The following PTPRD variants were observed in gnomAD, a reference collection of about 807,000 sequenced individuals.
PTPRD encodes protein tyrosine phosphatase receptor type D.
Under a neutral mutation model 214.5 loss-of-function variants are expected in PTPRD, and 34 were observed. That is an observed-to-expected ratio of 0.16 (90% CI 0.12 to 0.21). The LOEUF is 0.21. Among genes scored for constraint, PTPRD ranks in the 10% least tolerant of loss-of-function variants. The pLI is 1.00. For synonymous variants in PTPRD, 1,128 were observed against 845.7 expected, an observed-to-expected ratio of 1.33 and a Z score of -5.79; for missense variants, 2,545 against 2,398.7, an observed-to-expected ratio of 1.06 and a Z score of -1.27.
chr9:9,324,406 A>G (rs2136165514), intron 9 of PTPRD, among the ~76,000 whole-genome samples: 1 of 152,210 alleles, frequency 6.6e-6, no homozygotes, highest in Middle Eastern at 3.4e-3. Flanking sequence ...ATGGTATCTC[A>G]GTGTGGTTTT....
chr9:10,479,779 C>T lies in PTPRD; in HGVS notation c.-600+132619G>A, dbSNP rs144828124. 3.8e-4 allele frequency among the ~76,000 whole-genome samples: 58 copies of T among 152,086 alleles called. No homozygotes were observed. In the East Asian group the frequency reaches 9.3e-3, roughly 24 times the overall value. On this transcript the variant is annotated intron_variant, in intron 2 of 45. Transcript: ENST00000381196. ...CAGGCTGCAGTGGGCCTTGATTACA[C>T]GACTGTACTTCAGCCTGGGCAACAG... is the stretch of plus-strand genomic sequence containing the variant.
At chr9:10,376,343 A>C (rs1291082722) in intron 2 of PTPRD, among the ~76,000 whole-genome samples, 1 of 151,824 alleles carries the variant, frequency 6.6e-6, no homozygotes, top group African/African-American at 2.4e-5. Context: ...AGTTATGTAC[A>C]GCATAAGAAA....
At chr9:9,341,161 T>G (rs775041995) in intron 9 of PTPRD, among the ~76,000 whole-genome samples, 10 of 152,034 alleles carry the variant, frequency 6.6e-5, no homozygotes, top group African/African-American at 2.4e-4. Context: ...TATAATGCAG[T>G]TGTAGATTGT....
intron 10 of PTPRD, among the ~76,000 whole-genome samples, chr9:9,168,458 T>C (rs2099908268): frequency 6.6e-6 from 1 of 152,180 alleles, no homozygotes; most frequent in African/African-American, 2.4e-5. Context: ...GCTACCCTAA[T>C]TTCTTTTTGA....
intron 14 of PTPRD, among the ~76,000 whole-genome samples, chr9:8,624,180 G>T (rs961374135): frequency 3.3e-5 from 5 of 151,820 alleles, no homozygotes; most frequent in Non-Finnish European, 7.4e-5. Context: ...ATATGGAAAT[G>T]TGTGTTAACG....
At chr9:10,472,229 G>C (rs1021799600) in intron 2 of PTPRD, among the ~76,000 whole-genome samples, 2 of 152,064 alleles carry the variant, frequency 1.3e-5, no homozygotes, top group African/African-American at 2.4e-5. Context: ...TTTGACTTTA[G>C]AACTTTATGC....
At chr9:8,377,538 A>G (rs1410053571) in intron 37 of PTPRD, among the ~76,000 whole-genome samples, 2 of 152,132 alleles carry the variant, frequency 1.3e-5, no homozygotes, top group Non-Finnish European at 2.9e-5. Context: ...ATGAAAAGTA[A>G]CAAACACAGC....
chr9:9,729,732 C>A (rs1042623081), intron 7 of PTPRD, among the ~76,000 whole-genome samples: 1 of 151,628 alleles, frequency 6.6e-6, no homozygotes, highest in African/African-American at 2.4e-5. Flanking sequence ...TTACCCAATC[C>A]CTATCAAATG....
At position 9,213,980 on chromosome 9, in the gene PTPRD, A is replaced by C. The variant is rs569589605; in HGVS notation, c.-202-30617T>G. Among the ~76,000 whole-genome samples, 255 of 152,112 alleles carry C rather than the reference A, an allele frequency of 1.7e-3. 3 individuals carry two copies. The highest frequency in any genetic ancestry group is 5.8e-3 in the African/African-American group (242 of 41,506). Reference sequence around the variant, plus strand: ...CATCTTCTTTTTTTTCTTACTGGGCATGATAATAAGAATGATAGCAAATAT... The same window carrying C: ...CATCTTCTTTTTTTTCTTACTGGGCCTGATAATAAGAATGATAGCAAATAT... On this transcript the variant is annotated intron_variant, in intron 9 of 45. Transcript: ENST00000381196.
chr9:8,950,753 T>G (rs1588707096), intron 11 of PTPRD, among the ~76,000 whole-genome samples: 2 of 151,974 alleles, frequency 1.3e-5, no homozygotes, highest in African/African-American at 2.4e-5. Context: ...GAGCGATTCC[T>G]GACCCACTCT....
chr9:9,599,418 A>T (rs1303659282), intron 7 of PTPRD, among the ~76,000 whole-genome samples: 1 of 151,984 alleles, frequency 6.6e-6, no homozygotes, highest in African/African-American at 2.4e-5. Context: ...AGCCTCAAGC[A>T]CTCAAGCCCT....
At chr9:8,435,335 T>C (rs886285985) in intron 35 of PTPRD, among the ~76,000 whole-genome samples, 1 of 152,116 alleles carries the variant, frequency 6.6e-6, no homozygotes, top group Non-Finnish European at 1.5e-5. Flanking sequence ...TAGAGGTTAC[T>C]ACAGAATGTG....
intron 4 of PTPRD, among the ~76,000 whole-genome samples, chr9:9,958,869 A>T: frequency 6.6e-6 from 1 of 152,200 alleles, no homozygotes; most frequent in East Asian, 1.9e-4. Context: ...TACTGACAAT[A>T]CCAAATGCTA....
chr9:8,488,054 G>C (rs1405410607), intron 27 of PTPRD, among the ~76,000 whole-genome samples: 1 of 152,036 alleles, frequency 6.6e-6, no homozygotes, highest in East Asian at 1.9e-4. Context: ...GAAAAAGAAA[G>C]ATGGTAGGAA....
intron 9 of PTPRD, among the ~76,000 whole-genome samples, chr9:9,331,778 T>C (rs942096920): frequency 1.3e-5 from 2 of 151,950 alleles, no homozygotes; most frequent in African/African-American, 4.8e-5. Context: ...AATAAATAGG[T>C]GCAGTGACAT....
intron 11 of PTPRD, among the ~76,000 whole-genome samples, chr9:8,969,081 C>G (rs1017498502): frequency 6.6e-6 from 1 of 151,994 alleles, no homozygotes; most frequent in South Asian, 2.1e-4. Context: ...ACAAAAGGAA[C>G]CACTCCTCCT....
chr9:8,560,078 C>G (rs1749689219), intron 14 of PTPRD, among the ~76,000 whole-genome samples: 1 of 152,096 alleles, frequency 6.6e-6, no homozygotes, highest in African/African-American at 2.4e-5. Flanking sequence ...AAATCCAAAA[C>G]TGATTTTACT....
chr9:10,448,483 A>C (rs2098814830), intron 2 of PTPRD, among the ~76,000 whole-genome samples: 1 of 151,944 alleles, frequency 6.6e-6, no homozygotes, highest in African/African-American at 2.4e-5. Flanking sequence ...ATACTTAGTG[A>C]AAGGTGGTTC....
At chr9:9,203,429 C>G (rs528073808) in intron 9 of PTPRD, among the ~76,000 whole-genome samples, 1 of 152,228 alleles carries the variant, frequency 6.6e-6, no homozygotes, top group Non-Finnish European at 1.5e-5. Flanking sequence ...CCATAGGAAT[C>G]TCAGTCTGTT....
Sources: gnomAD v4.1 joint callset for allele counts (sites outside exome capture counted in the v4.1 genomes callset) on GRCh38, gnomAD v4.1.1 for gene constraint, MANE v1.5 for transcripts, NCBI Gene and HGNC (gene_info 2026-07-23, HGNC 2026-07-21) for gene names.